The following FBXO9 variants were observed in gnomAD, a reference collection of about 807,000 sequenced individuals.
The protein encoded by FBXO9 is F-box only protein 9.
FBXO9 carries 43 observed loss-of-function variants against 63.7 expected under a neutral mutation model. That is an observed-to-expected ratio of 0.67 (90% confidence interval 0.53 to 0.87). The LOEUF is 0.87. FBXO9 is among the 40% of genes least tolerant of loss of function. The probability of loss-of-function intolerance (pLI) is 0.00; values close to 1 mark genes in which losing one functional copy is unlikely to be tolerated. For missense variants in FBXO9, 442 were observed against 533.2 expected (o/e 0.83, Z 1.68); for synonymous variants, 156 against 171.7 (o/e 0.91, Z 0.72).
chr6:53,093,592 C>G (rs757626203), intron 10 of FBXO9, 31 bp downstream of exon 10: 2 of 1,500,516 alleles, frequency 1.3e-6, no homozygotes, highest in African/African-American at 1.4e-5. Flanking sequence ...GGCTTTCCAT[C>G]CAGTCTATGT....
chr6:53,065,836 A>AGCGTGG, intron 1 of FBXO9, 44 bp downstream of exon 1: 12 of 1,310,182 alleles, frequency 9.2e-6, no homozygotes, highest in Non-Finnish European at 1.2e-5. Context: ...GCGGGGCGGG[A>AGCGTGG]GCGTGGTGTG....
intron 7 of FBXO9, chr6:53,091,811 G>C (rs2127498508): frequency 6.6e-6 from 1 of 152,504 alleles, no homozygotes; most frequent in South Asian, 2.1e-4. Context: ...ATCCTACCTG[G>C]TCTTCCTGTT....
chr6:53,080,279 T>C (rs902983429), intron 5 of FBXO9, among the ~76,000 whole-genome samples: 4 of 152,070 alleles, frequency 2.6e-5, no homozygotes, highest in Admixed American at 2.6e-4. Flanking sequence ...TTTGTTGTAT[T>C]ACAAAATGCC....
chr6:53,088,596 CTTT>C (rs542468280), intron 7 of FBXO9, among the ~76,000 whole-genome samples: 1 of 140,512 alleles, frequency 7.1e-6, no homozygotes. Flanking sequence ...AGTGGTTTGT[CTTT>C]TTTTTTTTTT....
intron 7 of FBXO9, among the ~76,000 whole-genome samples, chr6:53,086,766 C>G (rs1226169704): frequency 1.3e-5 from 2 of 152,096 alleles, no homozygotes; most frequent in African/African-American, 4.8e-5. Flanking sequence ...CTCTTCTAGA[C>G]CTTTAAACTA....
Position 53,078,728 on chromosome 6 carries a change from A to T in FBXO9, c.308-71A>T, listed in dbSNP as rs929871324. 1.7e-5 allele frequency: 19 copies of T among 1,134,978 alleles called. 1 individual carries two copies. Among genetic ancestry groups the T allele is most frequent in the African/African-American group, 1.5e-4 (10 of 65,170 alleles). 70.3% of individuals were successfully genotyped at this position (1,134,978 alleles called of 1,614,324 possible). A position where few individuals can be genotyped will look rare whatever the true frequency, so the allele number is the denominator to read the frequency against. On this transcript the variant is annotated intron_variant, in intron 4 of 12. Transcript: ENST00000323557. ...AAAGAAAGTTACCAAATTAAACCAC[A>T]GTTAAGGGTAATCAAAGGAAATGAC...
chr6:53,074,154 T>C (rs1210686754), intron 3 of FBXO9, among the ~76,000 whole-genome samples: 1 of 152,218 alleles, frequency 6.6e-6, no homozygotes, highest in East Asian at 1.9e-4. Flanking sequence ...ATATTTTGAA[T>C]GCTGTCTAAC....
rs1763324213 is a variant in FBXO9, at chr6:53,100,666, T to C, written c.*2836T>C. On this transcript the variant is annotated 3_prime_UTR_variant, in exon 13 of 13. Transcript: ENST00000323557. The stretch of plus-strand genomic sequence containing the variant: ...CTCTCAACCTATGGTATTTATCTTT[T>C]GATTATTCTGTGCATCTATAAAAAT... The C allele has an allele frequency of 6.6e-6, 1 of 152,190 alleles. No homozygotes were observed. Among genetic ancestry groups the C allele is most frequent in the Non-Finnish European group, 1.5e-5 (1 of 68,040 alleles). 9.4% of individuals were successfully genotyped at this position (152,190 alleles called of 1,614,324 possible).
intron 3 of FBXO9, among the ~76,000 whole-genome samples, chr6:53,074,260 A>G (rs1418471493): frequency 6.6e-6 from 1 of 152,196 alleles, no homozygotes; most frequent in Non-Finnish European, 1.5e-5. Flanking sequence ...TCTTTTTACC[A>G]TCAGATCCAA....
intron 1 of FBXO9, among the ~76,000 whole-genome samples, chr6:53,069,351 C>T (rs908760721): frequency 3.9e-5 from 6 of 152,134 alleles, no homozygotes; most frequent in African/African-American, 1.4e-4. Context: ...TAACATGAAA[C>T]ATTAGAGTAT....
At position 53,073,596 on chromosome 6, in the gene FBXO9, C is replaced by T. The variant is rs771154563; in HGVS notation, c.206C>T (p.Ser69Leu). ...GCAAGAGGCTCTCTCCAGAAAACATCGGCAGATACCAAAGGAAAACAAGAA... is the reference window on the plus strand; with the variant it reads ...GCAAGAGGCTCTCTCCAGAAAACATTGGCAGATACCAAAGGAAAACAAGAA... ...RAARGSLQKTSADTKGKQEQA... is the reference protein window; with the variant it reads ...RAARGSLQKTLADTKGKQEQA... Residue 69 changes from serine (S) to leucine (L), a missense_variant, in exon 3 of 13, where the codon TCG becomes TTG. Physicochemically the swap from Ser to Leu is moderately radical, Grantham distance 145. This residue lies in a region of FBXO9 where 180 missense variants were observed against 171.1 expected (regional missense o/e 1.05). Coordinates refer to ENST00000323557, the MANE Select transcript of FBXO9 (RefSeq NM_033480.3). 41 of 1,607,072 alleles carry T rather than the reference C, an allele frequency of 2.6e-5. No homozygotes were observed. In the East Asian group the frequency reaches 4.0e-4, roughly 16 times the overall value.
intron 2 of FBXO9, among the ~76,000 whole-genome samples, chr6:53,072,762 C>T (rs907005824): frequency 1.3e-5 from 2 of 151,892 alleles, no homozygotes; most frequent in African/African-American, 4.8e-5. Context: ...CTCCATTGCC[C>T]AGGCTGGAGT....
At chr6:53,070,893 TAGTA>T in intron 1 of FBXO9, 160 bp from the exon 2 acceptor site, 1 of 1,067,118 alleles carries the variant, frequency 9.4e-7, no homozygotes, top group Non-Finnish European at 1.3e-6. Context: ...TGGAAATTAA[TAGTA>T]AGGTCTCAAG....
At chr6:53,068,637 A>AGT (rs1562061634) in intron 1 of FBXO9, among the ~76,000 whole-genome samples, 1 of 142,422 alleles carries the variant, frequency 7.0e-6, no homozygotes, top group Non-Finnish European at 1.5e-5. Context: ...CATCTTACGG[A>AGT]ATATATATAT....
Position 53,093,865 on chromosome 6 carries a change from A to ATT in FBXO9, c.960-18_960-17dup. On this transcript the variant is annotated intron_variant, in intron 10 of 12. Coordinates refer to ENST00000323557, the MANE Select transcript of FBXO9 (RefSeq NM_033480.3). Reference sequence around the variant, plus strand: ...CCACTTAATAACTGATTTAGATTCAATTTGTTTTTTTTTTTTAAGGACTGA... The same window carrying ATT: ...CCACTTAATAACTGATTTAGATTCAATTTTTGTTTTTTTTTTTTAAGGACTGA... 2.8e-6 allele frequency: 4 copies of ATT among 1,439,188 alleles called. No individual in the cohort carries two copies. Among genetic ancestry groups the ATT allele is most frequent in the East Asian group, 2.5e-5 (1 of 40,022 alleles). The allele number at this position is 1,439,188 out of a possible 1,614,324, so 89.2% of individuals were successfully genotyped here. A position where few individuals can be genotyped will look rare whatever the true frequency, so the allele number is the denominator to read the frequency against.
At chr6:53,080,008 G>C (rs1464857287) in intron 5 of FBXO9, among the ~76,000 whole-genome samples, 2 of 152,094 alleles carry the variant, frequency 1.3e-5, no homozygotes, top group Non-Finnish European at 2.9e-5. Context: ...TTTGGGTAGA[G>C]TCGTTTAGAC....
At chr6:53,076,618 C>T in intron 4 of FBXO9, 75 bp downstream of exon 4, 1 of 1,091,032 alleles carries the variant, frequency 9.2e-7, no homozygotes, top group Non-Finnish European at 1.3e-6. Context: ...ATTTTTTTTT[C>T]TATAACTTAT....
chr6:53,094,844 C>A, intron 11 of FBXO9: 1 of 374,184 alleles, frequency 2.7e-6, no homozygotes, highest in Non-Finnish European at 5.3e-6. Context: ...TTCCTGAGGT[C>A]AAAATTGGGA....
intron 7 of FBXO9, among the ~76,000 whole-genome samples, chr6:53,084,346 T>C (rs571560650): frequency 2.0e-5 from 3 of 152,348 alleles, no homozygotes; most frequent in Non-Finnish European, 4.4e-5. Context: ...ATAGCACAGA[T>C]ATTTTCTTTT....
Sources: allele counts gnomAD v4.1 joint callset (sites outside exome capture counted in the v4.1 genomes callset), GRCh38; gene constraint gnomAD v4.1.1; regional missense constraint gnomAD v4.1.1; transcripts MANE v1.5; gene names NCBI Gene and HGNC (gene_info 2026-07-23, HGNC 2026-07-21).